TFRC: variants seen among roughly 807,000 people sequenced by gnomAD.
TFRC encodes the protein transferrin receptor protein 1.
In TFRC, 35 loss-of-function variants were observed where a neutral mutation model predicts 85.8. The observed-to-expected ratio is 0.41, with a 90% confidence interval of 0.31 to 0.54. TFRC has a LOEUF of 0.54. Among genes scored for constraint, TFRC ranks in the 20% least tolerant of loss-of-function variants. TFRC has a pLI of 0.31. For missense variants in TFRC, 828 were observed against 921.5 expected (o/e 0.90, Z 1.31); for synonymous variants, 362 against 328.6 (o/e 1.10, Z -1.10).
At position 196,066,952 on chromosome 3, in the gene TFRC, T is replaced by C. The variant is rs533988242; in HGVS notation, c.1040+566A>G. 5.9e-5 allele frequency among the ~76,000 whole-genome samples: 9 copies of C among 152,270 alleles called. No individual in the cohort carries two copies. The East Asian group carries it at 7.7e-4, about 13-fold the overall frequency. The stretch of plus-strand genomic sequence containing the variant: ...TCCACATCCAAATCAAAATTAATGC[T>C]ACGTACTCTAATGGAACTGGGCTCT... On this transcript the variant is annotated intron_variant, in intron 9 of 18. Coordinates refer to ENST00000360110, the MANE Select transcript of TFRC (RefSeq NM_001128148.3).
chr3:196,071,086 A>G (rs1391914448), intron 6 of TFRC, among the ~76,000 whole-genome samples: 2 of 152,214 alleles, frequency 1.3e-5, no homozygotes, highest in Non-Finnish European at 2.9e-5. Context: ...GCATTCTCCA[A>G]AGCTCTGCAA....
chr3:196,077,192 G>A, intron 1 of TFRC, 70 bp from the exon 2 acceptor site: 1 of 1,071,150 alleles, frequency 9.3e-7, no homozygotes, highest in Non-Finnish European at 1.4e-6. Flanking sequence ...TCTATTACCA[G>A]GCTAAATGAT....
intron 6 of TFRC, chr3:196,069,815 C>G: frequency 2.9e-6 from 1 of 345,376 alleles, no homozygotes; most frequent in Admixed American, 4.4e-5. Flanking sequence ...TGCCTTTCAT[C>G]TGAAGGGCAT....
chr3:196,081,602 C>A (rs1719184713), intron 1 of TFRC, among the ~76,000 whole-genome samples: 1 of 152,198 alleles, frequency 6.6e-6, no homozygotes, highest in African/African-American at 2.4e-5. Flanking sequence ...GCTGCGCCCG[C>A]GCTCCCGGAC....
chr3:196,074,290 T>TA (rs1718472253), intron 3 of TFRC, 165 bp from the exon 4 acceptor site: 3 of 544,904 alleles, frequency 5.5e-6, no homozygotes, highest in Non-Finnish European at 9.4e-6. Context: ...TTAAACCACT[T>TA]AATAAATTAT....
chr3:196,054,160 CCCGGGAGGCGCATCTTACAGTGAG>C (rs1486594041), intron 17 of TFRC, among the ~76,000 whole-genome samples: 1 of 151,976 alleles, frequency 6.6e-6, no homozygotes, highest in African/African-American at 2.4e-5. Context: ...ATGGCGTGAA[CCCGGGAGGCGCATCTTACAGTGAG>C]CCGAGATCTC....
At position 196,071,414 on chromosome 3, in the gene TFRC, A is replaced by G. The variant is rs1718192305; in HGVS notation, c.669T>C (p.Ser223=). 1 of 1,614,082 alleles carries G rather than the reference A, an allele frequency of 6.2e-7. No individual in the cohort carries two copies. Among genetic ancestry groups the G allele is most frequent in the Non-Finnish European group, 8.5e-7 (1 of 1,179,940 alleles). The part of the protein sequence containing the change: ...VENPGGYVAY[S]KAATVTGKLV... ...TACTTACAGTAACTGTTGCAGCCTT[A>G]CTATACGCCACATAACCCCCAGGAT... The change falls in exon 6 of 19, where the codon AGT becomes AGC. Residue 223 remains serine, a synonymous_variant. Transcript: ENST00000360110.
chr3:196,057,621 C>A (rs1404408663), intron 16 of TFRC, among the ~76,000 whole-genome samples: 1 of 151,838 alleles, frequency 6.6e-6, no homozygotes, highest in Non-Finnish European at 1.5e-5. Flanking sequence ...AATTTGGTCT[C>A]AAAGTTGACA....
intron 13 of TFRC, chr3:196,060,568 AC>A: frequency 4.5e-6 from 1 of 223,186 alleles, no homozygotes; most frequent in South Asian, 6.1e-5. Context: ...GGAGGCCCAG[AC>A]GGGTGGATCA....
chr3:196,073,479 G>A (rs998805742), intron 4 of TFRC, among the ~76,000 whole-genome samples: 1 of 152,004 alleles, frequency 6.6e-6, no homozygotes, highest in African/African-American at 2.4e-5. Context: ...GAGTATCACA[G>A]AAATTAAGAA....
In TFRC at chr3:196,067,660, A is replaced by G; in HGVS notation, c.901-3T>C. ...GGGTCACCTGTCCCCAGATGAGCCT[A>G]GGAAAACAAAAGAGCAATTCACTCC... On this transcript the variant is annotated splice_polypyrimidine_tract_variant and splice_region_variant and intron_variant, in intron 8 of 18. Transcript: ENST00000360110. 1 of 1,612,180 alleles carries G rather than the reference A, an allele frequency of 6.2e-7. No homozygotes were observed. Among genetic ancestry groups the G allele is most frequent in the Non-Finnish European group, 8.5e-7 (1 of 1,179,428 alleles).
intron 1 of TFRC, among the ~76,000 whole-genome samples, chr3:196,079,535 A>G (rs1718990872): frequency 6.6e-6 from 1 of 152,134 alleles, no homozygotes; most frequent in African/African-American, 2.4e-5. Flanking sequence ...AATCACTTGA[A>G]CCTGGGGGAG....
intron 7 of TFRC, 134 bp from the exon 8 acceptor site, chr3:196,068,264 T>C: frequency 1.7e-6 from 1 of 572,564 alleles, no homozygotes; most frequent in Non-Finnish European, 2.9e-6. Flanking sequence ...TTTCAAATTG[T>C]TTATCTGGTA....
Position 196,071,803 on chromosome 3 carries a change from C to T in TFRC, c.584+200G>A, listed in dbSNP as rs930073479. On this transcript the variant is annotated intron_variant, in intron 5 of 18. Transcript: ENST00000360110. Reference sequence around the variant, plus strand: ...CCTGTAATCCCAGCTGCTCTGGAGGCTAAGGCAGGAGAATCACTTGAACCC... The same window carrying T: ...CCTGTAATCCCAGCTGCTCTGGAGGTTAAGGCAGGAGAATCACTTGAACCC... Among the ~76,000 whole-genome samples, 3 of 152,166 alleles carry T rather than the reference C, an allele frequency of 2.0e-5. No individual in the cohort carries two copies. The South Asian group carries it at 6.2e-4, about 31-fold the overall frequency.
chr3:196,065,047 C>T, intron 10 of TFRC, among the ~76,000 whole-genome samples: 1 of 151,970 alleles, frequency 6.6e-6, no homozygotes, highest in East Asian at 1.9e-4. Context: ...CACCTGAGGT[C>T]AGGAGCTCTG....
At chr3:196,056,409 T>G (rs511385) in intron 16 of TFRC, among the ~76,000 whole-genome samples, 151,669 of 152,272 alleles carry the variant, frequency 1, 75,535 homozygotes, top group East Asian at 1. Flanking sequence ...TGGTTTTTTT[T>G]TTGTTGTTGT....
intron 13 of TFRC, among the ~76,000 whole-genome samples, chr3:196,061,062 T>C (rs553866418): frequency 6.6e-6 from 1 of 152,304 alleles, no homozygotes; most frequent in South Asian, 2.1e-4. Context: ...CTTTCCTTTT[T>C]TCCCCCATGT....
In TFRC at chr3:196,050,321, A is replaced by C. The variant is rs1203487206; in HGVS notation, c.*1621T>G. The stretch of plus-strand genomic sequence containing the variant: ...AAATTTTGTAGTAATTTCATTTTAC[A>C]GTGGTTGAATTTACCCACCCAATGC... On this transcript the variant is annotated 3_prime_UTR_variant, in exon 19 of 19. Transcript: ENST00000360110. 1 of 219,324 alleles carries C rather than the reference A, an allele frequency of 4.6e-6. No individual in the cohort carries two copies. The highest frequency in any genetic ancestry group is 2.2e-5 in the African/African-American group (1 of 44,604). The allele number at this position is 219,324 out of a possible 1,614,324, so 13.6% of individuals were successfully genotyped here.
intron 8 of TFRC, 25 bp from the exon 9 acceptor site, chr3:196,067,682 C>T: frequency 6.2e-7 from 1 of 1,610,076 alleles, no homozygotes; most frequent in Non-Finnish European, 8.5e-7. Context: ...GAGCAATTCA[C>T]TCCATCACAT....
Sources: gnomAD v4.1 joint callset for allele counts (sites outside exome capture counted in the v4.1 genomes callset) on GRCh38, gnomAD v4.1.1 for gene constraint, MANE v1.5 for transcripts, NCBI Gene and HGNC (gene_info 2026-07-23, HGNC 2026-07-21) for gene names.